SLC23A2: variants seen among roughly 807,000 people sequenced by gnomAD.
The protein encoded by SLC23A2 is solute carrier family 23 member 2, also known as Na(+)/L-ascorbic acid transporter 2.
SLC23A2 carries 36 observed loss-of-function variants against 73.3 expected under a neutral mutation model. That is an observed-to-expected ratio of 0.49 (90% CI 0.38 to 0.65). The LOEUF (loss-of-function observed/expected upper bound fraction) is 0.65, where lower values mean the gene tolerates loss of function less well. Ranked by LOEUF, SLC23A2 falls within the 30% of genes least tolerant of loss-of-function variation. SLC23A2 has a pLI of 0.00. For synonymous variants in SLC23A2, 343 were observed against 327.3 expected (o/e 1.05, Z -0.52); for missense variants, 507 against 841.6 (o/e 0.60, Z 4.92).
At chr20:4,954,380 GA>G (rs557392307) in intron 2 of SLC23A2, among the ~76,000 whole-genome samples, 27 of 152,104 alleles carry the variant, frequency 1.8e-4, no homozygotes, top group African/African-American at 6.0e-4. Context: ...ATGCCACAAG[GA>G]AAATTTCAAA....
At chr20:4,890,073 T>C (rs1024239319) in intron 6 of SLC23A2, among the ~76,000 whole-genome samples, 1 of 152,066 alleles carries the variant, frequency 6.6e-6, no homozygotes, top group Non-Finnish European at 1.5e-5. Context: ...ACCATGAAGA[T>C]ACAAAATGTA....
In SLC23A2 at chr20:4,874,569, T is replaced by C; in HGVS notation, c.945+7A>G. ...AATGTCAGCAGGGGAAGAAGTCAGC[T>C]ACTCACAGGGAACATTTTGAACAGC... On this transcript the variant is annotated splice_region_variant and intron_variant, in intron 10 of 16. Transcript: ENST00000338244. 1 of 1,585,650 alleles carries C rather than the reference T, an allele frequency of 6.3e-7. No homozygotes were observed. The highest frequency in any genetic ancestry group is 8.6e-7 in the Non-Finnish European group (1 of 1,166,962).
intron 1 of SLC23A2, among the ~76,000 whole-genome samples, chr20:4,991,703 CAGAG>C (rs898678104): frequency 2.9e-5 from 4 of 140,186 alleles, no homozygotes; most frequent in Admixed American, 7.7e-5. Context: ...GCCTGGGTGA[CAGAG>C]AGAGACTCCG....
At chr20:4,905,058 A>G (rs187366029) in intron 4 of SLC23A2, among the ~76,000 whole-genome samples, 1 of 150,144 alleles carries the variant, frequency 6.7e-6, no homozygotes, top group Non-Finnish European at 1.5e-5. Context: ...AGGTTGCAGT[A>G]AGCCAAGATC....
chr20:4,932,897 C>T (rs980104129), intron 2 of SLC23A2, among the ~76,000 whole-genome samples, 181 bp from the exon 3 acceptor site: 1 of 152,184 alleles, frequency 6.6e-6, no homozygotes, highest in Non-Finnish European at 1.5e-5. Flanking sequence ...TAGTCACCTA[C>T]TGATTCTGAA....
At chr20:4,922,655 A>C (rs1932534282) in intron 3 of SLC23A2, among the ~76,000 whole-genome samples, 1 of 151,984 alleles carries the variant, frequency 6.6e-6, no homozygotes, top group Non-Finnish European at 1.5e-5. Flanking sequence ...GGTAAAATCC[A>C]GTCTCTACCA....
chr20:4,996,827 C>T (rs1362172639), intron 1 of SLC23A2, among the ~76,000 whole-genome samples: 2 of 151,934 alleles, frequency 1.3e-5, no homozygotes, highest in Non-Finnish European at 2.9e-5. Context: ...ACAGACTTGG[C>T]TGAGGTCACC....
chr20:4,867,821 C>T lies in SLC23A2; in HGVS notation c.1305G>A (p.Gly435=), dbSNP rs1930265857. 2 of 1,611,780 alleles carry T rather than the reference C, an allele frequency of 1.2e-6. No homozygotes were observed. The highest frequency in any genetic ancestry group is 2.7e-5 in the African/African-American group (2 of 74,832). ...TGGGACTGGATGAAGTAGAGCCATT[C>T]CCAGTACCAAATATGCCATCAAGAA... ...SCVLDGIFGT[G]NGSTSSSPNI... is the part of the protein sequence containing the mutation. The change falls in exon 13 of 17, where the codon GGG becomes GGA. Residue 435 remains glycine (G), a synonymous_variant. Coordinates refer to ENST00000338244, the MANE Select transcript of SLC23A2 (RefSeq NM_005116.6).
chr20:4,936,078 G>A (rs915807567), intron 2 of SLC23A2, among the ~76,000 whole-genome samples: 1 of 151,960 alleles, frequency 6.6e-6, no homozygotes, highest in African/African-American at 2.4e-5. Flanking sequence ...TATGAATTTG[G>A]GGGATGACCT....
At chr20:4,927,712 G>A (rs1016286231) in intron 3 of SLC23A2, among the ~76,000 whole-genome samples, 13 of 152,108 alleles carry the variant, frequency 8.5e-5, no homozygotes, top group Non-Finnish European at 2.9e-5. Flanking sequence ...ATCTTGATGA[G>A]AATCCGAAAC....
intron 2 of SLC23A2, among the ~76,000 whole-genome samples, chr20:4,945,860 C>T (rs1440028460): frequency 6.6e-6 from 1 of 152,132 alleles, no homozygotes; most frequent in African/African-American, 2.4e-5. Flanking sequence ...ATTTACTGAC[C>T]TTAAACTAAC....
chr20:4,969,773 C>T (rs141043574), intron 2 of SLC23A2, among the ~76,000 whole-genome samples: 93 of 151,980 alleles, frequency 6.1e-4, no homozygotes, highest in Admixed American at 2.6e-3. Flanking sequence ...GAGAATGTAT[C>T]GGCAGATGTG....
intron 3 of SLC23A2, among the ~76,000 whole-genome samples, chr20:4,921,413 T>C (rs937215631): frequency 6.6e-6 from 1 of 151,950 alleles, no homozygotes. Flanking sequence ...AAAACCCCAT[T>C]CCTACTAAAA....
At chr20:4,978,428 G>C (rs79766484) in intron 1 of SLC23A2, among the ~76,000 whole-genome samples, 1,748 of 152,238 alleles carry the variant, frequency 0.011, 30 homozygotes, top group East Asian at 0.049. Context: ...AAAGTAACTA[G>C]AGGTCAGAAT....
intron 7 of SLC23A2, among the ~76,000 whole-genome samples, 163 bp from the exon 8 acceptor site, chr20:4,884,986 G>A (rs963251042): frequency 2.6e-5 from 4 of 152,132 alleles, no homozygotes; most frequent in Non-Finnish European, 5.9e-5. Context: ...TCACTGAAAG[G>A]TGGATCCTCA....
At position 4,884,815 on chromosome 20, in the gene SLC23A2, C is replaced by G; in HGVS notation, c.580G>C (p.Val194Leu). ...AACAGCTCTGCTGTTCCATTGGCAA[C>G]TGAAACATCTTGAAAACAAAAACAA... Reference protein sequence around the residue: ...KWKCNTTDVSVANGTAELLHT... With the variant: ...KWKCNTTDVSLANGTAELLHT... Residue 194 changes from valine to leucine, a missense_variant, in exon 8 of 17, where the codon GTT (valine) becomes CTT (leucine). Around this residue, in one of 5 missense-constraint regions of SLC23A2, gnomAD observed 217 missense variants for 398.0 expected, o/e 0.55. Coordinates refer to ENST00000338244, the MANE Select transcript of SLC23A2 (RefSeq NM_005116.6). 1 of 1,554,248 alleles carries G rather than the reference C, an allele frequency of 6.4e-7. No individual in the cohort carries two copies.
chr20:4,887,655 A>G (rs1207441410), intron 6 of SLC23A2, among the ~76,000 whole-genome samples: 1 of 152,178 alleles, frequency 6.6e-6, no homozygotes, highest in Non-Finnish European at 1.5e-5. Flanking sequence ...CGCTGCTGTA[A>G]AGATACTTGC....
chr20:4,883,616 G>C lies in SLC23A2; in HGVS notation c.824+26C>G. The C allele has an allele frequency of 6.5e-7, 1 of 1,544,518 alleles. No individual in the cohort carries two copies. The highest frequency in any genetic ancestry group is 8.8e-7 in the Non-Finnish European group (1 of 1,130,032). On this transcript the variant is annotated intron_variant, in intron 9 of 16. Coordinates refer to ENST00000338244, the MANE Select transcript of SLC23A2 (RefSeq NM_005116.6). This position sits in a 1 kb window ranked among gnomAD's most constrained non-coding sequence, Gnocchi z 4.5. ...TCCTAAAGGCTGCCCCGCAGTGGTG[G>C]GATGAGGGGAGATGTTTCCACTTAC...
chr20:4,906,273 C>A (rs150043988), intron 4 of SLC23A2, among the ~76,000 whole-genome samples: 2 of 152,084 alleles, frequency 1.3e-5, no homozygotes, highest in South Asian at 2.1e-4. Context: ...TGAGAGGTTG[C>A]GGCTGCAGTG....
Sources: allele counts gnomAD v4.1 joint callset (sites outside exome capture counted in the v4.1 genomes callset), GRCh38; gene constraint gnomAD v4.1.1; regional missense constraint gnomAD v4.1.1; non-coding constraint Gnocchi (gnomAD v3.1); transcripts MANE v1.5; gene names NCBI Gene and HGNC (gene_info 2026-07-23, HGNC 2026-07-21).